Variants in RPS6KA5 observed in about 807,000 individuals in gnomAD.
RPS6KA5 encodes ribosomal protein S6 kinase A5.
Under a neutral mutation model 85.5 loss-of-function variants are expected in RPS6KA5, and 27 were observed. The observed-to-expected ratio is 0.32, with a 90% confidence interval of 0.23 to 0.44. The LOEUF (loss-of-function observed/expected upper bound fraction) is 0.44. Ranked by LOEUF, RPS6KA5 falls within the 20% of genes least tolerant of loss-of-function variation. The probability of loss-of-function intolerance (pLI) is 1.00; values close to 1 mark genes in which losing one functional copy is unlikely to be tolerated. For missense variants in RPS6KA5, 811 were observed against 980.9 expected, an observed-to-expected ratio of 0.83 and a Z score of 2.31; for synonymous variants, 334 against 348.2, an observed-to-expected ratio of 0.96 and a Z score of 0.46.
intron 7 of RPS6KA5, among the ~76,000 whole-genome samples, chr14:90,915,244 G>A (rs938060578): frequency 1.3e-5 from 2 of 152,138 alleles, no homozygotes; most frequent in African/African-American, 4.8e-5. Flanking sequence ...CTTTGAAGAT[G>A]GCCCCAATGA....
intron 1 of RPS6KA5, among the ~76,000 whole-genome samples, chr14:91,058,707 A>C (rs1265020435): frequency 6.6e-6 from 1 of 152,240 alleles, no homozygotes. Flanking sequence ...AAATTGAGAG[A>C]AGAAAAACCA....
intron 5 of RPS6KA5, among the ~76,000 whole-genome samples, chr14:90,941,446 T>C (rs1329245865): frequency 6.6e-6 from 1 of 152,186 alleles, no homozygotes; most frequent in Non-Finnish European, 1.5e-5. Context: ...CCGAGGGAGT[T>C]TGCACAGTTC....
At chr14:90,963,619 T>G (rs2038915914) in intron 3 of RPS6KA5, among the ~76,000 whole-genome samples, 1 of 152,180 alleles carries the variant, frequency 6.6e-6, no homozygotes, top group Admixed American at 6.5e-5. Flanking sequence ...CTTGTACTTT[T>G]CAAGGCTTTA....
intron 2 of RPS6KA5, among the ~76,000 whole-genome samples, chr14:90,987,917 T>C (rs571013426): frequency 6.6e-6 from 1 of 152,304 alleles, no homozygotes; most frequent in South Asian, 2.1e-4. Flanking sequence ...ACCAGCTCCA[T>C]ACTATTCCAT....
intron 4 of RPS6KA5, among the ~76,000 whole-genome samples, chr14:90,945,456 A>C (rs2140362443): frequency 6.6e-6 from 1 of 152,364 alleles, no homozygotes; most frequent in Admixed American, 6.5e-5. Context: ...ATAATTTACT[A>C]TCTGCGTCAC....
At position 91,048,842 on chromosome 14, in the gene RPS6KA5, T is replaced by A. The variant is rs560765547; in HGVS notation, c.103+11490A>T. Among the ~76,000 whole-genome samples the A allele has an allele frequency of 3.0e-4, 45 of 152,346 alleles. No individual in the cohort carries two copies. The South Asian group carries it at 6.0e-3, about 20-fold the overall frequency. ...GTGTATTTAATTGTGAAGCTTCAAC[T>A]AACACATGATGTTATTATGTTAGAT... On this transcript the variant is annotated intron_variant, in intron 1 of 16. Transcript: ENST00000614987.
intron 7 of RPS6KA5, among the ~76,000 whole-genome samples, chr14:90,918,734 G>A (rs2140285560): frequency 6.6e-6 from 1 of 152,136 alleles, no homozygotes; most frequent in Admixed American, 6.5e-5. Flanking sequence ...TTTTCCATCT[G>A]GATAGCCAGT....
At position 90,871,945 on chromosome 14, in the gene RPS6KA5, G is replaced by GA. The variant is rs1412906645; in HGVS notation, c.*128dup. The GA allele has an allele frequency of 3.1e-6, 4 of 1,272,566 alleles. No homozygotes were observed. Among genetic ancestry groups the GA allele is most frequent in the Admixed American group, 2.3e-5 (1 of 43,128 alleles). The allele number at this position is 1,272,566 out of a possible 1,614,324, so 78.8% of individuals were successfully genotyped here. A position where few individuals can be genotyped will look rare whatever the true frequency, so the allele number is the denominator to read the frequency against. ...TGAGGATAACCAAACAGGTTTTCCT[G>GA]AAAAAAATCATTAGGAGGCAGATTC... On this transcript the variant is annotated 3_prime_UTR_variant, in exon 17 of 17. Transcript: ENST00000614987.
chr14:91,052,063 T>C (rs1328361094), intron 1 of RPS6KA5, among the ~76,000 whole-genome samples: 3 of 152,006 alleles, frequency 2.0e-5, no homozygotes, highest in African/African-American at 7.3e-5. Context: ...ATCAAAAAAC[T>C]TGGGCTCAGA....
At chr14:91,044,785 C>T (rs1395034367) in intron 1 of RPS6KA5, among the ~76,000 whole-genome samples, 9 of 151,092 alleles carry the variant, frequency 6.0e-5, no homozygotes, top group Admixed American at 5.3e-4. Context: ...GCAGGAGAAT[C>T]GCTTGAACTC....
intron 3 of RPS6KA5, among the ~76,000 whole-genome samples, chr14:90,951,719 CATCCTATT>C (rs2038199709): frequency 6.6e-6 from 1 of 152,110 alleles, no homozygotes. Context: ...CAAGGATCAT[CATCCTATT>C]TTGCATAGAA....
rs117301305 is a variant in RPS6KA5 at position 90,935,392 on chromosome 14, C to T, written c.618+7686G>A. On this transcript the variant is annotated intron_variant, in intron 5 of 16. Coordinates refer to ENST00000614987, the MANE Select transcript of RPS6KA5 (RefSeq NM_004755.4). ...TAAACAGTACTTCTCAGAAATAGAA[C>T]GGATATAGTGCTTTATACTTTAGAA... Among the ~76,000 whole-genome samples the T allele has an allele frequency of 8.7e-4, 133 of 152,218 alleles. 1 individual carries two copies. The East Asian group carries it at 0.025, about 28-fold the overall frequency.
intron 1 of RPS6KA5, among the ~76,000 whole-genome samples, chr14:91,029,684 G>A (rs1022565245): frequency 6.6e-6 from 1 of 152,126 alleles, no homozygotes; most frequent in Non-Finnish European, 1.5e-5. Context: ...GAGATAAGAA[G>A]ACTTAAAATA....
chr14:90,970,163 T>G (rs184675899), intron 3 of RPS6KA5, among the ~76,000 whole-genome samples: 1 of 152,328 alleles, frequency 6.6e-6, no homozygotes, highest in East Asian at 1.9e-4. Context: ...AATAGTACAC[T>G]CTATAAATGC....
At chr14:91,051,580 C>A (rs2043081924) in intron 1 of RPS6KA5, among the ~76,000 whole-genome samples, 1 of 152,088 alleles carries the variant, frequency 6.6e-6, no homozygotes, top group African/African-American at 2.4e-5. Context: ...CCTCCGCCTC[C>A]CAGGTTCAAG....
intron 1 of RPS6KA5, among the ~76,000 whole-genome samples, chr14:91,010,776 T>C (rs974455008): frequency 3.3e-5 from 5 of 151,698 alleles, no homozygotes; most frequent in African/African-American, 1.2e-4. Context: ...CATGGGAAAA[T>C]GGAATGTAGG....
chr14:90,983,787 TTCTCTCTC>T (rs770148887), intron 2 of RPS6KA5, among the ~76,000 whole-genome samples: 104 of 129,410 alleles, frequency 8.0e-4, no homozygotes, highest in African/African-American at 1.2e-3. Flanking sequence ...CTTTCTTTCT[TTCTCTCTC>T]TCTCTCTCTC....
intron 3 of RPS6KA5, among the ~76,000 whole-genome samples, chr14:90,963,151 C>T (rs2038892504): frequency 6.6e-6 from 1 of 152,176 alleles, no homozygotes; most frequent in South Asian, 2.1e-4. Flanking sequence ...TTGAAGAGGA[C>T]AGACCTGATA....
At chr14:91,004,764 G>C (rs970514636) in intron 1 of RPS6KA5, among the ~76,000 whole-genome samples, 1 of 151,576 alleles carries the variant, frequency 6.6e-6, no homozygotes, top group East Asian at 2.0e-4. Context: ...TCAGGAGATC[G>C]AGACCATCCT....
Sources: gnomAD v4.1 joint callset for allele counts (sites outside exome capture counted in the v4.1 genomes callset) on GRCh38, gnomAD v4.1.1 for gene constraint, MANE v1.5 for transcripts, NCBI Gene and HGNC (gene_info 2026-07-23, HGNC 2026-07-21) for gene names.